CTNNA3: variants seen among roughly 807,000 people sequenced by gnomAD.
The protein encoded by CTNNA3 is catenin alpha-3.
Under a neutral mutation model 95.7 loss-of-function variants are expected in CTNNA3, and 76 were observed. The ratio of observed to expected loss-of-function variants is 0.79; its 90% CI spans 0.66 to 0.96. The LOEUF (loss-of-function observed/expected upper bound fraction) is 0.96. CTNNA3 is among the 40% of genes least tolerant of loss of function. The pLI is 0.00. For synonymous variants in CTNNA3, 431 were observed against 374.4 expected (o/e 1.15, Z -1.74); for missense variants, 1,191 against 1,089.8 (o/e 1.09, Z -1.31).
intron 5 of CTNNA3, among the ~76,000 whole-genome samples, chr10:67,330,039 T>A (rs1390157562): frequency 6.6e-6 from 1 of 152,216 alleles, no homozygotes. Flanking sequence ...GACTAACTTT[T>A]ATGGAAGTTT....
At chr10:66,918,791 G>A (rs1445602561) in intron 7 of CTNNA3, among the ~76,000 whole-genome samples, 1 of 152,148 alleles carries the variant, frequency 6.6e-6, no homozygotes, top group Non-Finnish European at 1.5e-5. Flanking sequence ...AATGCATCCT[G>A]AAATGTGCAT....
At chr10:66,219,958 T>C (rs1257587028) in intron 13 of CTNNA3, among the ~76,000 whole-genome samples, 1 of 151,942 alleles carries the variant, frequency 6.6e-6, no homozygotes, top group African/African-American at 2.4e-5. Flanking sequence ...ACCTCATCTC[T>C]ACTAAAATAC....
chr10:67,253,198 G>A (rs1263251816), intron 5 of CTNNA3, among the ~76,000 whole-genome samples: 1 of 152,034 alleles, frequency 6.6e-6, no homozygotes, highest in Non-Finnish European at 1.5e-5. Flanking sequence ...TAACCGAGAG[G>A]GCTACTAAGT....
chr10:66,930,388 A>AT (rs1016866661), intron 7 of CTNNA3, among the ~76,000 whole-genome samples: 3 of 152,150 alleles, frequency 2.0e-5, no homozygotes, highest in South Asian at 2.1e-4. Flanking sequence ...GCTTATTGTG[A>AT]TTTTTTTACT....
At chr10:66,607,472 CAAAAAAAAAAAAAA>C (rs574854850) in intron 10 of CTNNA3, among the ~76,000 whole-genome samples, 1 of 45,274 alleles carries the variant, frequency 2.2e-5, no homozygotes, top group African/African-American at 1.0e-4. Context: ...CAGAGACAAC[CAAAAAAAAAAAAAA>C]AAAAAAAAAA....
chr10:66,851,512 G>A (rs7089207), intron 7 of CTNNA3, among the ~76,000 whole-genome samples: 87,605 of 151,764 alleles, frequency 0.58, 26,313 homozygotes, highest in Non-Finnish European at 0.63. Flanking sequence ...GATCAGGGGG[G>A]TGGTTTCTCC....
At chr10:66,439,032 A>T (rs4522057) in intron 11 of CTNNA3, among the ~76,000 whole-genome samples, 1,663 of 151,984 alleles carry the variant, frequency 0.011, 37 homozygotes, top group African/African-American at 0.038. Context: ...CCCACTGTGT[A>T]ACCAGTCCCA....
chr10:66,965,756 G>A (rs1440418694), intron 7 of CTNNA3, among the ~76,000 whole-genome samples: 1 of 151,906 alleles, frequency 6.6e-6, no homozygotes, highest in Non-Finnish European at 1.5e-5. Flanking sequence ...TCAGTCAAAG[G>A]CCGCATATGT....
rs531645907 is a variant in CTNNA3, at chr10:66,772,704, A to G, written c.1128+2740T>C. 2.0e-5 allele frequency among the ~76,000 whole-genome samples: 3 copies of G among 152,314 alleles called. No homozygotes were observed. The East Asian group carries it at 5.8e-4, about 29-fold the overall frequency. On this transcript the variant is annotated intron_variant, in intron 8 of 17. Coordinates refer to ENST00000433211, the MANE Select transcript of CTNNA3 (RefSeq NM_013266.4). ...ATTCCATCTTGATGTCCTCAAATCT[A>G]TAATTTGCTTCTCCTTAGATATTTC...
At chr10:67,620,858 G>A (rs1333597147) in intron 2 of CTNNA3, among the ~76,000 whole-genome samples, 1 of 149,422 alleles carries the variant, frequency 6.7e-6, no homozygotes, top group Non-Finnish European at 1.5e-5. Flanking sequence ...TATTTAATTT[G>A]TAGAGCTTTC....
At chr10:66,444,759 G>A (rs2093405578) in intron 11 of CTNNA3, among the ~76,000 whole-genome samples, 1 of 152,148 alleles carries the variant, frequency 6.6e-6, no homozygotes, top group South Asian at 2.1e-4. Context: ...GGAAGAAACT[G>A]CATCAACTAA....
chr10:66,436,673 G>A (rs145712477), intron 11 of CTNNA3, among the ~76,000 whole-genome samples: 47 of 151,944 alleles, frequency 3.1e-4, no homozygotes, highest in African/African-American at 1.1e-3. Context: ...TTTAATTGGG[G>A]CATTTAGTCA....
intron 11 of CTNNA3, among the ~76,000 whole-genome samples, chr10:66,466,945 T>G (rs1838941852): frequency 6.6e-6 from 1 of 152,116 alleles, no homozygotes; most frequent in South Asian, 2.1e-4. Flanking sequence ...TATTTTTTAT[T>G]TACCTGTTGA....
At chr10:66,829,586 C>T (rs1842639041) in intron 7 of CTNNA3, among the ~76,000 whole-genome samples, 1 of 146,438 alleles carries the variant, frequency 6.8e-6, no homozygotes, top group Non-Finnish European at 1.5e-5. Flanking sequence ...GCACTTCAGC[C>T]TGGGTGATGG....
At chr10:66,694,289 A>C (rs4313463) in intron 9 of CTNNA3, among the ~76,000 whole-genome samples, 3 of 151,552 alleles carry the variant, frequency 2.0e-5, no homozygotes, top group Non-Finnish European at 2.9e-5. Flanking sequence ...TATCACCACC[A>C]ATCCCACAGA....
At chr10:66,198,779 A>G (rs969837501) in intron 13 of CTNNA3, among the ~76,000 whole-genome samples, 1 of 152,220 alleles carries the variant, frequency 6.6e-6, no homozygotes, top group Non-Finnish European at 1.5e-5. Context: ...AATGTACTTT[A>G]TGTAATATAT....
At chr10:66,153,782 A>G (rs1589571821) in intron 13 of CTNNA3, among the ~76,000 whole-genome samples, 1 of 151,726 alleles carries the variant, frequency 6.6e-6, no homozygotes, top group Non-Finnish European at 1.5e-5. Context: ...AACGTATCCT[A>G]TGCTGGTCCT....
chr10:66,846,505 G>C (rs1169007970), intron 7 of CTNNA3, among the ~76,000 whole-genome samples: 1 of 151,088 alleles, frequency 6.6e-6, no homozygotes, highest in Admixed American at 6.6e-5. Context: ...ACAAAATGAG[G>C]GGATAGATAT....
At chr10:66,993,105 C>G (rs979166461) in intron 7 of CTNNA3, among the ~76,000 whole-genome samples, 2 of 152,072 alleles carry the variant, frequency 1.3e-5, no homozygotes, top group Non-Finnish European at 1.5e-5. Flanking sequence ...TCATGAGGTC[C>G]AAAATAGCCT....
Sources: allele counts gnomAD v4.1 joint callset (sites outside exome capture counted in the v4.1 genomes callset), GRCh38; gene constraint gnomAD v4.1.1; transcripts MANE v1.5; gene names NCBI Gene and HGNC (gene_info 2026-07-23, HGNC 2026-07-21).